The following RNF145 variants were observed in gnomAD, a reference collection of about 807,000 sequenced individuals.
RNF145 encodes the protein ring finger protein 145.
Under a neutral mutation model 57.3 loss-of-function variants are expected in RNF145, and 12 were observed. The ratio of observed to expected loss-of-function variants is 0.21; its 90% CI spans 0.13 to 0.34. The LOEUF (loss-of-function observed/expected upper bound fraction) is 0.34, where lower values mean the gene tolerates loss of function less well. Among genes scored for constraint, RNF145 ranks in the 10% least tolerant of loss-of-function variants. The probability of loss-of-function intolerance (pLI) is 1.00; values close to 1 mark genes in which losing one functional copy is unlikely to be tolerated. For missense variants in RNF145, 429 were observed against 799.0 expected, an observed-to-expected ratio of 0.54 and a Z score of 5.58; for synonymous variants, 262 against 288.3, an observed-to-expected ratio of 0.91 and a Z score of 0.92.
chr5:159,207,919 AC>A (rs774005517), intron 1 of RNF145: 51 of 1,611,094 alleles, frequency 3.2e-5, no homozygotes, highest in Non-Finnish European at 2.5e-5. Context: ...CTGGGTCACG[AC>A]TGCAGCACCG....
intron 4 of RNF145, among the ~76,000 whole-genome samples, chr5:159,181,356 T>C (rs1286828356): frequency 6.6e-6 from 1 of 152,066 alleles, no homozygotes; most frequent in Non-Finnish European, 1.5e-5. Context: ...CTCTAATCTC[T>C]AATATTAGGC....
chr5:159,193,113 T>C (rs1785342447), intron 3 of RNF145, among the ~76,000 whole-genome samples: 1 of 152,214 alleles, frequency 6.6e-6, no homozygotes, highest in South Asian at 2.1e-4. Flanking sequence ...AGAGGGATGC[T>C]ACAGGACAAG....
chr5:159,160,010 A>G (rs1374267892), intron 10 of RNF145, among the ~76,000 whole-genome samples: 1 of 152,164 alleles, frequency 6.6e-6, no homozygotes, highest in East Asian at 1.9e-4. Flanking sequence ...TTTCGATGTG[A>G]TATCAACAGG....
At chr5:159,206,033 T>A (rs1015277301) in intron 1 of RNF145, among the ~76,000 whole-genome samples, 1 of 152,138 alleles carries the variant, frequency 6.6e-6, no homozygotes, top group Non-Finnish European at 1.5e-5. Flanking sequence ...AGCAGAATGG[T>A]ACATGTTCCC....
chr5:159,195,134 TTCTC>T (rs373855988), intron 2 of RNF145, among the ~76,000 whole-genome samples: 163 of 152,340 alleles, frequency 1.1e-3, no homozygotes, highest in East Asian at 2.7e-3. Context: ...TTTATGCCAA[TTCTC>T]TCTTTCTTTC....
chr5:159,165,879 G>C (rs1250815369), intron 8 of RNF145, among the ~76,000 whole-genome samples: 1 of 152,092 alleles, frequency 6.6e-6, no homozygotes, highest in Non-Finnish European at 1.5e-5. Flanking sequence ...TGTTGCATTG[G>C]CATCTGGGTT....
intron 5 of RNF145, among the ~76,000 whole-genome samples, chr5:159,176,154 T>A (rs943586473): frequency 6.6e-6 from 1 of 152,144 alleles, no homozygotes; most frequent in African/African-American, 2.4e-5. Context: ...GGGAAGAAAC[T>A]ATAGTCACAG....
intron 5 of RNF145, among the ~76,000 whole-genome samples, chr5:159,175,272 T>C (rs536346644): frequency 9.2e-5 from 14 of 152,240 alleles, no homozygotes; most frequent in African/African-American, 3.1e-4. Context: ...AGAGAATATT[T>C]TTCTTCCTTT....
rs118141310 is a variant in RNF145, at chr5:159,188,033, C to A, written c.294-5982G>T. Among the ~76,000 whole-genome samples the A allele has an allele frequency of 2.0e-3, 306 of 152,212 alleles. 7 individuals carry two copies. The East Asian group carries it at 0.054, about 27-fold the overall frequency. ...GTTCTACTGGGCTCTTAATTCAAGT[C>A]ACAGACACACAAATCCAATATGTTG... On this transcript the variant is annotated intron_variant, in intron 3 of 10. Coordinates refer to ENST00000424310, the MANE Select transcript of RNF145 (RefSeq NM_001199383.2).
intron 10 of RNF145, among the ~76,000 whole-genome samples, chr5:159,159,902 C>A (rs1486165005): frequency 1.3e-5 from 2 of 152,178 alleles, no homozygotes; most frequent in East Asian, 3.8e-4. Context: ...CCCAGAAATT[C>A]CTTGCCAAGA....
In RNF145 at chr5:159,168,855, T is replaced by C; in HGVS notation, c.1121+18A>G. 1 of 1,454,670 alleles carries C rather than the reference T, an allele frequency of 6.9e-7. No homozygotes were observed. The highest frequency in any genetic ancestry group is 9.2e-7 in the Non-Finnish European group (1 of 1,091,712). 90.1% of individuals were successfully genotyped at this position (1,454,670 alleles called of 1,614,324 possible). ...ATATTACATGAGTTAATTTAAAGAA[T>C]ATTAAGAGGTTTCTTACTTGTCTCT... On this transcript the variant is annotated intron_variant, in intron 8 of 10. Coordinates refer to ENST00000424310, the MANE Select transcript of RNF145 (RefSeq NM_001199383.2).
At chr5:159,182,486 T>A (rs1784924796) in intron 3 of RNF145, among the ~76,000 whole-genome samples, 1 of 152,024 alleles carries the variant, frequency 6.6e-6, no homozygotes, top group Admixed American at 6.6e-5. Flanking sequence ...CCGATTATAT[T>A]TTATTAGTCC....
intron 6 of RNF145, 72 bp from the exon 7 acceptor site, chr5:159,169,891 A>G (rs1562051971): frequency 3.3e-6 from 4 of 1,215,690 alleles, no homozygotes; most frequent in Non-Finnish European, 4.5e-6. Flanking sequence ...AGGCCTTTAA[A>G]TAATCACCAA....
At chr5:159,181,643 C>T (rs1046520990) in intron 4 of RNF145, among the ~76,000 whole-genome samples, 13 of 152,036 alleles carry the variant, frequency 8.6e-5, no homozygotes, top group African/African-American at 3.1e-4. Flanking sequence ...ATTTAAGATA[C>T]TACGTGTTTC....
upstream of RNF145, chr5:159,209,957 G>A (rs889394806): frequency 6.0e-6 from 9 of 1,490,202 alleles, no homozygotes; most frequent in African/African-American, 1.2e-4. Flanking sequence ...GACTGGACTA[G>A]ACTGTAAACT....
chr5:159,183,613 T>C (rs991258803), intron 3 of RNF145, among the ~76,000 whole-genome samples: 20 of 152,256 alleles, frequency 1.3e-4, no homozygotes, highest in African/African-American at 4.8e-4. Flanking sequence ...CATATATAAA[T>C]AGTATTAATA....
intron 8 of RNF145, among the ~76,000 whole-genome samples, chr5:159,164,953 T>C (rs1784344456): frequency 6.6e-6 from 1 of 152,234 alleles, no homozygotes; most frequent in Non-Finnish European, 1.5e-5. Context: ...AATAGAAAAG[T>C]TGTTTCATGA....
In RNF145 at chr5:159,159,032, T is replaced by C; in HGVS notation, c.1630A>G (p.Met544Val). The change falls in exon 11 of 11, where the codon ATG becomes GTG. Residue 544 changes from methionine (M) to valine (V), a missense_variant. Met to Val is a conservative substitution (Grantham distance 21). This residue lies in a region of RNF145 where 216 missense variants were observed against 457.6 expected (regional missense o/e 0.47). Transcript: ENST00000424310. ...NDICAICYQD[M>V]KSAVITPCSH... ...CAAGGCGTGATCACAGCAGATTTCA[T>C]GTCCTAAAAGAGGGGGAAAAAAGAT... 1 of 1,610,774 alleles carries C rather than the reference T, an allele frequency of 6.2e-7. No homozygotes were observed. Among genetic ancestry groups the C allele is most frequent in the Non-Finnish European group, 8.5e-7 (1 of 1,177,694 alleles).
chr5:159,168,663 A>T (rs1185356322), intron 8 of RNF145, among the ~76,000 whole-genome samples: 3 of 152,162 alleles, frequency 2.0e-5, no homozygotes, highest in South Asian at 2.1e-4. Flanking sequence ...ATTTTTAACT[A>T]AAAAATCTTG....
Sources: gnomAD v4.1 joint callset for allele counts (sites outside exome capture counted in the v4.1 genomes callset) on GRCh38, gnomAD v4.1.1 for gene constraint, gnomAD v4.1.1 regional missense constraint, MANE v1.5 for transcripts, NCBI Gene and HGNC (gene_info 2026-07-23, HGNC 2026-07-21) for gene names.